The following XPR1 variants were observed in gnomAD, a reference collection of about 807,000 sequenced individuals.
XPR1 encodes the protein xenotropic and polytropic retrovirus receptor 1.
XPR1 carries 28 observed loss-of-function variants against 87.5 expected under a neutral mutation model. The ratio of observed to expected loss-of-function variants is 0.32; its 90% CI spans 0.24 to 0.44. XPR1 has a LOEUF of 0.44. Ranked by LOEUF, XPR1 falls within the 20% of genes least tolerant of loss-of-function variation. XPR1 has a pLI of 1.00. For synonymous variants in XPR1, 300 were observed against 306.1 expected, an observed-to-expected ratio of 0.98 and a Z score of 0.21; for missense variants, 559 against 862.3, an observed-to-expected ratio of 0.65 and a Z score of 4.41.
intron 3 of XPR1, among the ~76,000 whole-genome samples, chr1:180,794,530 A>T (rs377520609): frequency 2.0e-5 from 3 of 152,258 alleles, no homozygotes; most frequent in Non-Finnish European, 4.4e-5. Context: ...TATGTGCAAT[A>T]TGACATTTAG....
At chr1:180,749,639 T>TACACACA (rs1553244350) in intron 2 of XPR1, among the ~76,000 whole-genome samples, 2 of 142,342 alleles carry the variant, frequency 1.4e-5, no homozygotes, top group Admixed American at 7.0e-5. Flanking sequence ...CACATATACA[T>TACACACA]CACACACACA....
At chr1:180,717,434 G>T (rs1302654381) in intron 2 of XPR1, among the ~76,000 whole-genome samples, 1 of 152,096 alleles carries the variant, frequency 6.6e-6, no homozygotes, top group Middle Eastern at 3.2e-3. Flanking sequence ...ATATAGTTAG[G>T]AGGATTTGGA....
intron 2 of XPR1, among the ~76,000 whole-genome samples, chr1:180,738,230 T>C (rs974616894): frequency 6.6e-6 from 1 of 152,102 alleles, no homozygotes; most frequent in African/African-American, 2.4e-5. Flanking sequence ...CAGGCTGGTC[T>C]CAAACTCCTG....
At position 180,794,007 on chromosome 1, in the gene XPR1, G is replaced by GT. The variant is rs567320690; in HGVS notation, c.223+6161dup. On this transcript the variant is annotated intron_variant, in intron 3 of 14. Coordinates refer to ENST00000367590, the MANE Select transcript of XPR1 (RefSeq NM_004736.4). ...AAACACAATATCATGTAAATAATGG[G>GT]TTTTTTTTAAATTGTAGGTCACAAC... Among the ~76,000 whole-genome samples, 211 of 151,794 alleles carry GT rather than the reference G, an allele frequency of 1.4e-3. 1 individual carries two copies. Among genetic ancestry groups the GT allele is most frequent in the Middle Eastern group, 3.4e-3 (1 of 294 alleles).
intron 2 of XPR1, among the ~76,000 whole-genome samples, chr1:180,727,187 A>G (rs886511277): frequency 1.3e-5 from 2 of 152,042 alleles, no homozygotes; most frequent in Non-Finnish European, 2.9e-5. Flanking sequence ...AATCTCTAAT[A>G]TGATGAAGAA....
intron 3 of XPR1, among the ~76,000 whole-genome samples, chr1:180,790,691 C>G (rs145221553): frequency 0.041 from 6,234 of 152,212 alleles, 161 homozygotes; most frequent in African/African-American, 0.072. Context: ...AGGCACCCAC[C>G]ACCATGCCCA....
At position 180,722,894 on chromosome 1, in the gene XPR1, CATTTT is replaced by C. The variant is rs534255599; in HGVS notation, c.121+40486_121+40490del. 1.6e-4 allele frequency among the ~76,000 whole-genome samples: 25 copies of C among 152,244 alleles called. No individual in the cohort carries two copies. In the South Asian group the frequency reaches 4.8e-3, roughly 29 times the overall value. On this transcript the variant is annotated intron_variant, in intron 2 of 14. Coordinates refer to ENST00000367590, the MANE Select transcript of XPR1 (RefSeq NM_004736.4). ...CAAGACCTTTAATATGAATGCATTT[CATTTT>C]ATCACTTTTTGTAATTAAAAGAGCA...
intron 13 of XPR1, among the ~76,000 whole-genome samples, chr1:180,875,283 G>A (rs1652625117): frequency 1.3e-5 from 2 of 152,130 alleles, no homozygotes; most frequent in Admixed American, 1.3e-4. Flanking sequence ...GCCAAAGTGG[G>A]CAGATCACTT....
intron 2 of XPR1, among the ~76,000 whole-genome samples, chr1:180,730,783 C>A (rs1658532057): frequency 6.6e-6 from 1 of 152,160 alleles, no homozygotes; most frequent in African/African-American, 2.4e-5. Flanking sequence ...CCCCCTCAGC[C>A]TCCTGCATAG....
intron 4 of XPR1, 146 bp downstream of exon 4, chr1:180,803,757 A>G (rs1649881495): frequency 7.5e-6 from 5 of 667,544 alleles, no homozygotes; most frequent in African/African-American, 1.8e-5. Context: ...CCTACTGGCT[A>G]AAAACCATGT....
chr1:180,782,790 G>A (rs1211667382), intron 2 of XPR1, among the ~76,000 whole-genome samples: 2 of 151,796 alleles, frequency 1.3e-5, no homozygotes, highest in South Asian at 2.1e-4. Flanking sequence ...CTTTTATACA[G>A]TTAATATGTT....
At chr1:180,715,861 C>T (rs1053520975) in intron 2 of XPR1, among the ~76,000 whole-genome samples, 3 of 152,068 alleles carry the variant, frequency 2.0e-5, no homozygotes, top group East Asian at 1.9e-4. Context: ...TTAGTAGAGA[C>T]GGGGTTTCTC....
chr1:180,806,805 T>C (rs1365304440), intron 6 of XPR1, among the ~76,000 whole-genome samples: 1 of 152,178 alleles, frequency 6.6e-6, no homozygotes, highest in Non-Finnish European at 1.5e-5. Flanking sequence ...CTTACTGGTA[T>C]CATCAAATGA....
intron 2 of XPR1, among the ~76,000 whole-genome samples, chr1:180,730,032 A>G (rs778656889): frequency 2.6e-5 from 4 of 152,156 alleles, no homozygotes; most frequent in Admixed American, 6.5e-5. Flanking sequence ...GGTTTTACAT[A>G]TAAGTCTGCA....
intron 1 of XPR1, among the ~76,000 whole-genome samples, chr1:180,651,017 C>T (rs150367428): frequency 1.3e-3 from 201 of 151,874 alleles, no homozygotes; most frequent in African/African-American, 4.4e-3. Flanking sequence ...GGTATTAGTA[C>T]GCAGTCTTTT....
At chr1:180,832,446 A>G (rs1260471703) in intron 9 of XPR1, among the ~76,000 whole-genome samples, 1 of 152,172 alleles carries the variant, frequency 6.6e-6, no homozygotes, top group East Asian at 1.9e-4. Context: ...TTGGTGTTTC[A>G]GTCATGAAGT....
chr1:180,712,894 G>A (rs1039641956), intron 2 of XPR1, among the ~76,000 whole-genome samples: 2 of 148,718 alleles, frequency 1.3e-5, no homozygotes, highest in African/African-American at 4.9e-5. Flanking sequence ...TATAGCTTTA[G>A]TAATAGTCTT....
chr1:180,799,327 G>T (rs555119445), intron 3 of XPR1, among the ~76,000 whole-genome samples: 1 of 152,312 alleles, frequency 6.6e-6, no homozygotes, highest in African/African-American at 2.4e-5. Flanking sequence ...TTTTGGTTAT[G>T]TTGGGGACTT....
intron 2 of XPR1, among the ~76,000 whole-genome samples, chr1:180,702,610 T>C (rs1644775721): frequency 6.6e-6 from 1 of 152,164 alleles, no homozygotes; most frequent in African/African-American, 2.4e-5. Flanking sequence ...ATTTCATTCA[T>C]TGACTACTTC....
Sources: allele counts gnomAD v4.1 joint callset (sites outside exome capture counted in the v4.1 genomes callset), GRCh38; gene constraint gnomAD v4.1.1; transcripts MANE v1.5; gene names NCBI Gene and HGNC (gene_info 2026-07-23, HGNC 2026-07-21).